Variants in RBM47 observed in about 807,000 individuals in gnomAD.
The protein encoded by RBM47 is RNA-binding protein 47.
Under a neutral mutation model 47.1 loss-of-function variants are expected in RBM47, and 21 were observed. That is an observed-to-expected ratio of 0.45 (90% confidence interval 0.32 to 0.64). RBM47 has a LOEUF of 0.64. RBM47 is among the 30% of genes least tolerant of loss of function. The probability of loss-of-function intolerance (pLI) is 0.05; values close to 1 mark genes in which losing one functional copy is unlikely to be tolerated. For missense variants in RBM47, 708 were observed against 870.9 expected (o/e 0.81, Z 2.35); for synonymous variants, 375 against 361.7 (o/e 1.04, Z -0.42).
chr4:40,567,559 G>A (rs1343391309), intron 1 of RBM47, among the ~76,000 whole-genome samples: 2 of 152,042 alleles, frequency 1.3e-5, no homozygotes, highest in East Asian at 3.8e-4. Flanking sequence ...TAGTCATGCA[G>A]TAACTGTTGT....
chr4:40,568,508 A>C (rs977723774), intron 1 of RBM47, among the ~76,000 whole-genome samples: 4 of 150,904 alleles, frequency 2.7e-5, no homozygotes, highest in African/African-American at 9.8e-5. Flanking sequence ...TTAAGATGTC[A>C]ATTTTTTTCC....
intron 1 of RBM47, among the ~76,000 whole-genome samples, chr4:40,617,357 G>A (rs1578078194): frequency 6.6e-6 from 1 of 151,914 alleles, no homozygotes; most frequent in African/African-American, 2.4e-5. Context: ...AGGAGATGGA[G>A]ACCATCCTGT....
At chr4:40,461,884 A>G (rs986335316) in intron 3 of RBM47, among the ~76,000 whole-genome samples, 1 of 151,862 alleles carries the variant, frequency 6.6e-6, no homozygotes, top group Admixed American at 6.6e-5. Context: ...GCAGTGAGCC[A>G]AGATCGCACC....
chr4:40,612,322 A>G (rs1736333780), intron 1 of RBM47, among the ~76,000 whole-genome samples: 1 of 152,210 alleles, frequency 6.6e-6, no homozygotes, highest in Admixed American at 6.5e-5. Context: ...ACTTGAGGTC[A>G]GGAGTTCAAG....
chr4:40,435,346 C>T (rs1219784211), intron 5 of RBM47, among the ~76,000 whole-genome samples: 3 of 151,930 alleles, frequency 2.0e-5, no homozygotes, highest in East Asian at 3.9e-4. Context: ...GTCAGGAGTT[C>T]GAGAACAGCC....
intron 2 of RBM47, chr4:40,543,774 G>A (rs1321298693): frequency 6.6e-6 from 1 of 152,140 alleles, no homozygotes; most frequent in African/African-American, 2.4e-5. Context: ...TCCAGCCTGG[G>A]TGATAATGTG....
chr4:40,454,589 C>T (rs1288574001), intron 3 of RBM47, among the ~76,000 whole-genome samples: 1 of 152,176 alleles, frequency 6.6e-6, no homozygotes, highest in Non-Finnish European at 1.5e-5. Flanking sequence ...TCTCCGCCTC[C>T]TGGGTTCAAG....
At chr4:40,460,521 G>A (rs1393312303) in intron 3 of RBM47, among the ~76,000 whole-genome samples, 2 of 152,180 alleles carry the variant, frequency 1.3e-5, no homozygotes, top group Admixed American at 6.5e-5. Context: ...ACTGGAAAAT[G>A]GGAATAGACC....
intron 2 of RBM47, among the ~76,000 whole-genome samples, chr4:40,467,346 GTTGCGTAGTC>G (rs1354471938): frequency 6.6e-6 from 1 of 151,836 alleles, no homozygotes; most frequent in African/African-American, 2.4e-5. Flanking sequence ...CTGGAGTGCA[GTTGCGTAGTC>G]TCGGCTCACT....
At chr4:40,487,949 G>A (rs905312309) in intron 2 of RBM47, among the ~76,000 whole-genome samples, 2 of 151,848 alleles carry the variant, frequency 1.3e-5, no homozygotes, top group African/African-American at 4.8e-5. Context: ...GAAAAAAACG[G>A]AACGCACATC....
intron 3 of RBM47, among the ~76,000 whole-genome samples, chr4:40,458,974 C>A (rs561174261): frequency 6.6e-6 from 1 of 152,242 alleles, no homozygotes; most frequent in South Asian, 2.1e-4. Context: ...ATATTGTGGG[C>A]TCTTTTATCA....
Position 40,438,757 on chromosome 4 carries a change from A to T in RBM47, c.137T>A (p.Met46Lys). ...LALMERTGYS[M>K]VQENGQRKYG... The stretch of plus-strand genomic sequence containing the variant: ...CTTGCGCTGCCCGTTCTCTTGCACC[A>T]TGCTGTAGCCCGTGCGCTCCATCAG... The change falls in exon 4 of 7, where the codon ATG (methionine) becomes AAG (lysine). Residue 46 changes from methionine (M) to lysine (K), a missense_variant. By Grantham distance (95) the Met-to-Lys change is moderately conservative. Coordinates refer to ENST00000295971, the MANE Select transcript of RBM47 (RefSeq NM_001098634.2). 6.3e-7 allele frequency: 1 copy of T among 1,589,406 alleles called. No homozygotes were observed. Among genetic ancestry groups the T allele is most frequent in the South Asian group, 1.1e-5 (1 of 89,392 alleles).
intron 1 of RBM47, among the ~76,000 whole-genome samples, chr4:40,579,981 C>T (rs1428221741): frequency 6.6e-6 from 1 of 152,046 alleles, no homozygotes; most frequent in Non-Finnish European, 1.5e-5. Context: ...TGGTCTTGAA[C>T]TCCTGGGCTC....
intron 5 of RBM47, among the ~76,000 whole-genome samples, chr4:40,433,089 T>C (rs1711602849): frequency 6.6e-6 from 1 of 152,028 alleles, no homozygotes; most frequent in African/African-American, 2.4e-5. Flanking sequence ...GCCTCCTGAG[T>C]AGCTGGGACT....
At chr4:40,592,973 ATATATATT>A (rs1734364043) in intron 1 of RBM47, among the ~76,000 whole-genome samples, 10 of 17,982 alleles carry the variant, frequency 5.6e-4, no homozygotes, top group African/African-American at 2.6e-3. Context: ...ATATATATAT[ATATATATT>A]TTTTTTTTTT....
At chr4:40,476,209 G>A (rs1369155780) in intron 2 of RBM47, among the ~76,000 whole-genome samples, 2 of 152,072 alleles carry the variant, frequency 1.3e-5, no homozygotes, top group Non-Finnish European at 2.9e-5. Flanking sequence ...TACGTAAAGT[G>A]TTTAGAAAAG....
At chr4:40,533,444 A>G (rs935264119) in intron 2 of RBM47, among the ~76,000 whole-genome samples, 1 of 151,934 alleles carries the variant, frequency 6.6e-6, no homozygotes, top group Admixed American at 6.6e-5. Context: ...AAAAGAAAAA[A>G]AAAAAAAAAG....
chr4:40,440,427 T>C (rs950363216), intron 3 of RBM47, among the ~76,000 whole-genome samples: 1 of 152,196 alleles, frequency 6.6e-6, no homozygotes, highest in Non-Finnish European at 1.5e-5. Flanking sequence ...ATCAATTAAT[T>C]AGAACCCGGA....
chr4:40,432,954 T>A, intron 5 of RBM47, 92 bp from the exon 6 acceptor site: 1 of 1,489,732 alleles, frequency 6.7e-7, no homozygotes, highest in African/African-American at 1.5e-5. Flanking sequence ...TTATTTTTAT[T>A]TTTTTAAAAA....
Sources: gnomAD v4.1 joint callset for allele counts (sites outside exome capture counted in the v4.1 genomes callset) on GRCh38, gnomAD v4.1.1 for gene constraint, MANE v1.5 for transcripts, NCBI Gene and HGNC (gene_info 2026-07-23, HGNC 2026-07-21) for gene names.